The following GPC5 variants were observed in gnomAD, a reference collection of about 807,000 sequenced individuals.
GPC5 encodes the protein glypican 5.
GPC5 carries 47 observed loss-of-function variants against 53.9 expected under a neutral mutation model. The observed-to-expected ratio is 0.87, with a 90% CI of 0.69 to 1.11. The LOEUF (loss-of-function observed/expected upper bound fraction) is 1.11, where lower values mean the gene tolerates loss of function less well. GPC5 is among the 50% of genes most tolerant of loss of function. The pLI, the probability that GPC5 is intolerant of heterozygous loss-of-function variation, is 0.00. For missense variants in GPC5, 748 were observed against 713.1 expected (o/e 1.05, Z -0.56); for synonymous variants, 286 against 263.3 (o/e 1.09, Z -0.84).
intron 7 of GPC5, among the ~76,000 whole-genome samples, chr13:92,458,223 C>T (rs575513275): frequency 7.0e-6 from 1 of 143,760 alleles, no homozygotes; most frequent in South Asian, 2.1e-4. Context: ...TGCTTAAAGG[C>T]TGGGGAATGT....
intron 7 of GPC5, among the ~76,000 whole-genome samples, chr13:92,847,888 T>C (rs1878664429): frequency 6.6e-6 from 1 of 152,218 alleles, no homozygotes; most frequent in Non-Finnish European, 1.5e-5. Flanking sequence ...AAGCAGGTGA[T>C]TAACTTTGTA....
chr13:91,908,144 C>A, intron 6 of GPC5, 87 bp downstream of exon 6: 1 of 1,070,352 alleles, frequency 9.3e-7, no homozygotes, highest in Non-Finnish European at 1.3e-6. Flanking sequence ...TTTGTTAATC[C>A]TGTCAGATAA....
At chr13:91,566,941 T>TTTTG (rs1188989656) in intron 2 of GPC5, among the ~76,000 whole-genome samples, 2 of 151,818 alleles carry the variant, frequency 1.3e-5, no homozygotes, top group African/African-American at 4.8e-5. Context: ...CTTTTTTTTT[T>TTTTG]TTTTTGAGAA....
intron 2 of GPC5, among the ~76,000 whole-genome samples, chr13:91,636,442 T>G (rs9589319): frequency 0.26 from 39,097 of 151,468 alleles, 6,319 homozygotes; most frequent in African/African-American, 0.47. Context: ...TGTGTATTTG[T>G]GTGTGTGTAT....
Position 92,605,976 on chromosome 13 carries a change from A to T in GPC5, c.1562-260306A>T, listed in dbSNP as rs551726220. Among the ~76,000 whole-genome samples the T allele has an allele frequency of 2.1e-3, 319 of 152,338 alleles. 5 individuals are homozygous for T. The highest frequency in any genetic ancestry group is 2.5e-4 in the Non-Finnish European group (17 of 68,036). On this transcript the variant is annotated intron_variant, in intron 7 of 7. Transcript: ENST00000377067. ...GCAACTTTTAATTCAAGAAGGAAGA[A>T]GTTTTAAAAATAAAAATTTTCAAAG...
intron 6 of GPC5, among the ~76,000 whole-genome samples, chr13:92,082,724 A>T (rs1234442070): frequency 6.6e-6 from 1 of 152,190 alleles, no homozygotes; most frequent in African/African-American, 2.4e-5. Context: ...TTGAGCCATT[A>T]TTCAATTATG....
At chr13:92,558,319 A>C (rs1882571174) in intron 7 of GPC5, among the ~76,000 whole-genome samples, 1 of 152,042 alleles carries the variant, frequency 6.6e-6, no homozygotes, top group Admixed American at 6.6e-5. Context: ...CTTTAAAGTT[A>C]ATTTATGCAT....
intron 7 of GPC5, among the ~76,000 whole-genome samples, chr13:92,203,618 C>A: frequency 7.0e-6 from 1 of 142,124 alleles, no homozygotes; most frequent in Non-Finnish European, 1.5e-5. Flanking sequence ...GCACATGTAC[C>A]CTAAAACTTA....
chr13:91,433,142 C>G (rs1416133312), intron 1 of GPC5, among the ~76,000 whole-genome samples: 2 of 151,688 alleles, frequency 1.3e-5, no homozygotes, highest in Non-Finnish European at 1.5e-5. Flanking sequence ...TTGAATAAAC[C>G]ATACTTTTTC....
At chr13:91,689,230 T>TATATAC (rs1232356030) in intron 2 of GPC5, among the ~76,000 whole-genome samples, 6 of 81,066 alleles carry the variant, frequency 7.4e-5, no homozygotes, top group East Asian at 4.2e-4. Context: ...TATATATATA[T>TATATAC]ACACATATAA....
rs1263154168 is a variant in GPC5, at chr13:92,026,453, C to CTT, written c.1402-118366_1402-118365dup. On this transcript the variant is annotated intron_variant, in intron 6 of 7. Transcript: ENST00000377067. ...TGAAATAGGGATTTTTTTCTTTTTTCTTTTTTTTTTTTGTACTGAGCTAAG... is the reference window on the plus strand; with the variant it reads ...TGAAATAGGGATTTTTTTCTTTTTTCTTTTTTTTTTTTTTGTACTGAGCTAAG... 5.5e-3 allele frequency among the ~76,000 whole-genome samples: 778 copies of CTT among 140,660 alleles called. 6 individuals are homozygous for CTT. Among genetic ancestry groups the CTT allele is most frequent in the African/African-American group, 0.019 (742 of 38,668 alleles). 92.3% of individuals were successfully genotyped at this position (140,660 alleles called of 152,430 possible). A position where few individuals can be genotyped will look rare whatever the true frequency, so the allele number is the denominator to read the frequency against.
In GPC5 at chr13:92,229,354, AAGTAT is replaced by A. The variant is rs547200601; in HGVS notation, c.1561+84367_1561+84371del. Reference sequence around the variant, plus strand: ...ATCTTATTTTTAATCTGTCATAGAAAAGTATACTGATATATTTTTAACTGGGTTAA... The same window carrying A: ...ATCTTATTTTTAATCTGTCATAGAAAACTGATATATTTTTAACTGGGTTAA... On this transcript the variant is annotated intron_variant, in intron 7 of 7. Transcript: ENST00000377067. Among the ~76,000 whole-genome samples, 115 of 152,296 alleles carry A rather than the reference AAGTAT, an allele frequency of 7.6e-4. 1 individual carries two copies. The highest frequency in any genetic ancestry group is 2.4e-3 in the African/African-American group (100 of 41,580).
intron 7 of GPC5, among the ~76,000 whole-genome samples, chr13:92,623,758 A>G (rs1299694964): frequency 6.6e-6 from 1 of 152,216 alleles, no homozygotes; most frequent in South Asian, 2.1e-4. Context: ...TAAAAAAAAA[A>G]CCAGTGAAAT....
chr13:91,892,016 C>A (rs1294638555), intron 5 of GPC5, among the ~76,000 whole-genome samples: 1 of 151,924 alleles, frequency 6.6e-6, no homozygotes, highest in Non-Finnish European at 1.5e-5. Context: ...TATTTAACAA[C>A]CCAAATCATG....
chr13:91,722,653 A>G (rs2036498281), intron 3 of GPC5, among the ~76,000 whole-genome samples: 1 of 152,190 alleles, frequency 6.6e-6, no homozygotes, highest in Non-Finnish European at 1.5e-5. Context: ...TCAAAATATA[A>G]TATGAGTTAG....
chr13:92,066,538 A>C (rs1391755830), intron 6 of GPC5, among the ~76,000 whole-genome samples: 1 of 152,036 alleles, frequency 6.6e-6, no homozygotes, highest in Non-Finnish European at 1.5e-5. Context: ...TGAAGGGAAC[A>C]TTAAAACCAT....
At chr13:92,431,001 G>T (rs557178347) in intron 7 of GPC5, among the ~76,000 whole-genome samples, 1 of 152,168 alleles carries the variant, frequency 6.6e-6, no homozygotes, top group African/African-American at 2.4e-5. Flanking sequence ...CTTTGATGCT[G>T]ATGAGCACTA....
chr13:91,509,950 G>A lies in GPC5; in HGVS notation c.325+61028G>A, dbSNP rs375932001. Among the ~76,000 whole-genome samples, 5 of 152,088 alleles carry A rather than the reference G, an allele frequency of 3.3e-5. No individual in the cohort carries two copies. The East Asian group carries it at 5.8e-4, about 18-fold the overall frequency. ...TTACCTAAGCAAGCCAATATGGTTT[G>A]TCATTATCACTTGTATATCACCATT... On this transcript the variant is annotated intron_variant, in intron 2 of 7. Coordinates refer to ENST00000377067, the MANE Select transcript of GPC5 (RefSeq NM_004466.6).
At chr13:91,684,163 T>C (rs982621805) in intron 2 of GPC5, among the ~76,000 whole-genome samples, 20 of 152,228 alleles carry the variant, frequency 1.3e-4, no homozygotes, top group Non-Finnish European at 2.2e-4. Flanking sequence ...ATTCTAATTC[T>C]TGTTGCTGGT....
Sources: gnomAD v4.1 joint callset for allele counts (sites outside exome capture counted in the v4.1 genomes callset) on GRCh38, gnomAD v4.1.1 for gene constraint, MANE v1.5 for transcripts, NCBI Gene and HGNC (gene_info 2026-07-23, HGNC 2026-07-21) for gene names.